Variants in SOX6 observed in about 807,000 individuals in gnomAD.
SOX6 encodes SRY-box transcription factor 6, also known as transcription factor SOX-6.
In SOX6, 11 loss-of-function variants were observed where a neutral mutation model predicts 97.8. The ratio of observed to expected loss-of-function variants is 0.11; its 90% CI spans 0.07 to 0.19. The LOEUF (loss-of-function observed/expected upper bound fraction) is 0.19. Ranked by LOEUF, SOX6 falls within the 10% of genes least tolerant of loss-of-function variation. The pLI is 1.00. For synonymous variants in SOX6, 360 were observed against 371.4 expected (o/e 0.97, Z 0.35); for missense variants, 810 against 1,039.5 (o/e 0.78, Z 3.04).
At chr11:16,122,260 G>A (rs932430658) in intron 6 of SOX6, among the ~76,000 whole-genome samples, 2 of 151,998 alleles carry the variant, frequency 1.3e-5, no homozygotes, top group Non-Finnish European at 2.9e-5. Flanking sequence ...GGCCATCACA[G>A]AAGACTGAGC....
In SOX6 at chr11:16,002,199, T is replaced by G. The variant is rs560611684; in HGVS notation, c.1732+12743A>C. 7.9e-5 allele frequency among the ~76,000 whole-genome samples: 12 copies of G among 152,314 alleles called. 1 individual carries two copies. The highest frequency in any genetic ancestry group is 7.8e-4 in the Admixed American group (12 of 15,302). On this transcript the variant is annotated intron_variant, in intron 13 of 15. Transcript: ENST00000683767. ...GGAGTTATAAAGTGCCATATGTGAA[T>G]GAACAAAGGGGCTATACTAAAGCCT... is the stretch of plus-strand genomic sequence containing the variant.
intron 2 of SOX6, among the ~76,000 whole-genome samples, chr11:16,720,875 C>G (rs1848255707): frequency 6.6e-6 from 1 of 152,038 alleles, no homozygotes; most frequent in Admixed American, 6.5e-5. Flanking sequence ...TTGAGTTTTC[C>G]TATCAGTAAC....
chr11:16,223,413 A>T (rs1852599736), intron 4 of SOX6, among the ~76,000 whole-genome samples: 1 of 152,086 alleles, frequency 6.6e-6, no homozygotes. Flanking sequence ...TAAGTTATAG[A>T]AGTTCTTTTG....
intron 3 of SOX6, among the ~76,000 whole-genome samples, chr11:16,281,738 T>C (rs911287725): frequency 6.6e-6 from 1 of 151,844 alleles, no homozygotes; most frequent in African/African-American, 2.4e-5. Flanking sequence ...TTTAATGTTG[T>C]CACCTAGGTA....
chr11:16,074,956 G>A (rs1025364922), intron 9 of SOX6, among the ~76,000 whole-genome samples: 1 of 152,046 alleles, frequency 6.6e-6, no homozygotes, highest in Non-Finnish European at 1.5e-5. Flanking sequence ...CACATTACCC[G>A]ACTACAAACT....
At chr11:16,046,771 TC>T in intron 11 of SOX6, 70 bp from the exon 12 acceptor site, 8 of 1,464,522 alleles carry the variant, frequency 5.5e-6, no homozygotes, top group Non-Finnish European at 7.6e-6. Context: ...TACTATCCCC[TC>T]CCCTGTAGAA....
At chr11:16,726,710 C>T (rs1487669502) in intron 2 of SOX6, among the ~76,000 whole-genome samples, 2 of 152,090 alleles carry the variant, frequency 1.3e-5, no homozygotes, top group African/African-American at 4.8e-5. Context: ...AAATTATTCA[C>T]AAATATGGGG....
rs1297453339 is a variant in SOX6 at position 16,706,568 on chromosome 11, G to A, written n.429+8262C>T. ...TAGTAATGGTCATGTTTAGCAAAGG[G>A]CAGTGGAAAAAAGGGCCCAGCAAAC... is the stretch of plus-strand genomic sequence containing the variant. On this transcript the variant is annotated intron_variant and non_coding_transcript_variant, in intron 3 of 5. Coordinates refer to the SOX6 transcript ENST00000524520. 3.8e-5 allele frequency among the ~76,000 whole-genome samples: 5 copies of A among 131,606 alleles called. 1 individual carries two copies. Among genetic ancestry groups the A allele is most frequent in the Admixed American group, 8.0e-5 (1 of 12,426 alleles). The allele number at this position is 131,606 out of a possible 152,430, so 86.3% of individuals were successfully genotyped here.
intron 3 of SOX6, among the ~76,000 whole-genome samples, chr11:16,247,836 T>C (rs980477708): frequency 1.3e-5 from 2 of 152,182 alleles, no homozygotes; most frequent in Admixed American, 6.5e-5. Context: ...AACAATGCCC[T>C]TCCCACAGTC....
intron 4 of SOX6, among the ~76,000 whole-genome samples, chr11:16,200,484 T>G (rs2054095): frequency 0.59 from 89,055 of 152,010 alleles, 27,061 homozygotes; most frequent in East Asian, 0.75. Context: ...AGTTGAAAGT[T>G]TTTAAAGTGC....
At chr11:16,103,157 A>C (rs1043233144) in intron 7 of SOX6, among the ~76,000 whole-genome samples, 1 of 152,086 alleles carries the variant, frequency 6.6e-6, no homozygotes, top group African/African-American at 2.4e-5. Context: ...CAGAATCTAC[A>C]AAGAACTCAA....
chr11:16,179,006 T>C (rs534766100), intron 6 of SOX6, among the ~76,000 whole-genome samples: 1 of 151,896 alleles, frequency 6.6e-6, no homozygotes, highest in Admixed American at 6.6e-5. Context: ...ATTATTATTA[T>C]GCTAGCAAAA....
intron 4 of SOX6, among the ~76,000 whole-genome samples, chr11:16,500,860 A>G (rs1860694772): frequency 6.6e-6 from 1 of 152,186 alleles, no homozygotes; most frequent in African/African-American, 2.4e-5. Context: ...GGAAGAATCA[A>G]TATTGTGAAA....
At chr11:16,623,030 A>AT (rs968065182) in intron 3 of SOX6, among the ~76,000 whole-genome samples, 104 of 144,178 alleles carry the variant, frequency 7.2e-4, no homozygotes, top group South Asian at 8.8e-4. Context: ...GATGTTGAGC[A>AT]TTTTTTTTTT....
chr11:16,415,367 G>GT (rs1247880546), intron 1 of SOX6, among the ~76,000 whole-genome samples: 1 of 151,476 alleles, frequency 6.6e-6, no homozygotes, highest in Non-Finnish European at 1.5e-5. Context: ...GAGTAGAATA[G>GT]TAACTACTAG....
At chr11:16,651,573 TC>T (rs1467240527) in intron 3 of SOX6, among the ~76,000 whole-genome samples, 4 of 152,084 alleles carry the variant, frequency 2.6e-5, no homozygotes, top group Admixed American at 2.0e-4. Flanking sequence ...AAATCCAGCA[TC>T]CCTTTATGAT....
At position 16,111,830 on chromosome 11, in the gene SOX6, A is replaced by T; in HGVS notation, c.871T>A (p.Phe291Ile). 6.2e-7 allele frequency: 1 copy of T among 1,613,118 alleles called. No individual in the cohort carries two copies. Among genetic ancestry groups the T allele is most frequent in the South Asian group, 1.1e-5 (1 of 91,038 alleles). ...GGTTTGTATGTTATTCCAGGGGGGAAGAGGAATCCCTGTTGGGCAGCAGCA... is the reference window on the plus strand; with the variant it reads ...GGTTTGTATGTTATTCCAGGGGGGATGAGGAATCCCTGTTGGGCAGCAGCA... ...AAAAAQQGFL[F>I]PPGITYKPGD... Residue 291 changes from phenylalanine to isoleucine, a missense_variant, in exon 7 of 16, where the codon TTC (phenylalanine) becomes ATC (isoleucine). By Grantham distance (21) the Phe-to-Ile change is conservative. Coordinates refer to ENST00000683767, the MANE Select transcript of SOX6 (RefSeq NM_001367873.1).
chr11:16,614,971 A>G (rs948050967), intron 3 of SOX6, among the ~76,000 whole-genome samples: 1 of 152,228 alleles, frequency 6.6e-6, no homozygotes, highest in Non-Finnish European at 1.5e-5. Context: ...AAAAATTAAA[A>G]ATATAGCCAC....
chr11:16,080,703 C>T (rs7103298), intron 9 of SOX6, among the ~76,000 whole-genome samples: 3,955 of 152,084 alleles, frequency 0.026, 173 homozygotes, highest in African/African-American at 0.09. Context: ...TCTCACAGCA[C>T]GGATGGGAAG....
Sources: gnomAD v4.1 joint callset for allele counts (sites outside exome capture counted in the v4.1 genomes callset) on GRCh38, gnomAD v4.1.1 for gene constraint, MANE v1.5 for transcripts, NCBI Gene and HGNC (gene_info 2026-07-23, HGNC 2026-07-21) for gene names.